KIAA1217: variants seen among roughly 807,000 people sequenced by gnomAD.
The protein encoded by KIAA1217 is KIAA1217.
KIAA1217 carries 88 observed loss-of-function variants against 163.9 expected under a neutral mutation model. The observed-to-expected ratio is 0.54, with a 90% CI of 0.45 to 0.64. The LOEUF is 0.64. Ranked by LOEUF, KIAA1217 falls within the 30% of genes least tolerant of loss-of-function variation. The pLI is 0.00. For synonymous variants in KIAA1217, 903 were observed against 923.1 expected, an observed-to-expected ratio of 0.98 and a Z score of 0.39; for missense variants, 2,372 against 2,475.0, an observed-to-expected ratio of 0.96 and a Z score of 0.88.
chr10:24,446,974 C>T (rs769949583), intron 5 of KIAA1217, among the ~76,000 whole-genome samples: 2 of 152,096 alleles, frequency 1.3e-5, no homozygotes, highest in Admixed American at 6.6e-5. Context: ...ATCAGTGTGT[C>T]GATGAGTCAT....
intron 2 of KIAA1217, among the ~76,000 whole-genome samples, chr10:24,316,508 G>A (rs138270586): frequency 0.012 from 1,872 of 152,182 alleles, 23 homozygotes; most frequent in Middle Eastern, 0.024. Flanking sequence ...ATTTTGCATC[G>A]TAGAGTGGAC....
rs1432927458 is a variant in KIAA1217, at chr10:23,819,984, T to A, written c.-321+124750T>A. 2.0e-5 allele frequency among the ~76,000 whole-genome samples: 3 copies of A among 152,212 alleles called. No individual in the cohort carries two copies. The East Asian group carries it at 5.8e-4, about 29-fold the overall frequency. Reference sequence around the variant, plus strand: ...ATGTATGATAGTGCCTATTTCTTTTTAAAACCACTAAAACTGATTCTGGGC... The same window carrying A: ...ATGTATGATAGTGCCTATTTCTTTTAAAAACCACTAAAACTGATTCTGGGC... On this transcript the variant is annotated intron_variant, in intron 1 of 18. Transcript: ENST00000376462.
Position 23,823,044 on chromosome 10 carries a change from A to C in KIAA1217, c.-321+127810A>C, listed in dbSNP as rs12268571. Reference sequence around the variant, plus strand: ...TTCATTTTTTATTGCTACAGTAACAAATTGCCTGTGAGATAATAAATAAAT... The same window carrying C: ...TTCATTTTTTATTGCTACAGTAACACATTGCCTGTGAGATAATAAATAAAT... On this transcript the variant is annotated intron_variant, in intron 1 of 18. Coordinates refer to the KIAA1217 transcript ENST00000376462. Among the ~76,000 whole-genome samples the C allele has an allele frequency of 7.0e-3, 1,073 of 152,304 alleles. 18 individuals are homozygous for C. Among genetic ancestry groups the C allele is most frequent in the African/African-American group, 0.025 (1,029 of 41,552 alleles).
At chr10:24,015,037 A>T (rs1847411782) in intron 2 of KIAA1217, among the ~76,000 whole-genome samples, 1 of 152,154 alleles carries the variant, frequency 6.6e-6, no homozygotes, top group Non-Finnish European at 1.5e-5. Flanking sequence ...GCATGTAGTT[A>T]TCAAAATTGT....
At chr10:24,043,585 G>A (rs1848774784) in intron 2 of KIAA1217, among the ~76,000 whole-genome samples, 2 of 152,066 alleles carry the variant, frequency 1.3e-5, no homozygotes, top group Admixed American at 1.3e-4. Context: ...CACATGCAAT[G>A]AACACTAGAA....
chr10:24,309,962 G>T (rs1033233538), intron 2 of KIAA1217, among the ~76,000 whole-genome samples: 15 of 152,090 alleles, frequency 9.9e-5, no homozygotes, highest in Non-Finnish European at 2.2e-4. Context: ...TGAATAACTG[G>T]TCTTTCTTTT....
Position 24,524,721 on chromosome 10 carries a change from A to G in KIAA1217, c.2855A>G (p.Glu952Gly). The G allele has an allele frequency of 1.2e-6, 2 of 1,610,404 alleles. No individual in the cohort carries two copies. The highest frequency in any genetic ancestry group is 1.7e-6 in the Non-Finnish European group (2 of 1,177,232). The change falls in exon 13 of 21, where the codon GAA becomes GGA. Residue 952 changes from glutamate (E) to glycine (G), a missense_variant. Physicochemically the swap from Glu to Gly is moderately conservative, Grantham distance 98. Around this residue, in one of 3 missense-constraint regions of KIAA1217, gnomAD observed 1,431 missense variants for 1,470.3 expected, o/e 0.97. Coordinates refer to ENST00000376454, the MANE Select transcript of KIAA1217 (RefSeq NM_019590.5). ...GCCATGCAGAGCTTGTTCATTGAAGAAATCCACAGTGTGAGTGCCAAGAAC... is the reference window on the plus strand; with the variant it reads ...GCCATGCAGAGCTTGTTCATTGAAGGAATCCACAGTGTGAGTGCCAAGAAC... ...GSAMQSLFIE[E>G]IHSVSAKNRA...
At chr10:23,839,529 T>G (rs1377131868) in intron 1 of KIAA1217, among the ~76,000 whole-genome samples, 1 of 152,196 alleles carries the variant, frequency 6.6e-6, no homozygotes, top group African/African-American at 2.4e-5. Flanking sequence ...TGCAGCAGCC[T>G]GGGTTATTTT....
intron 3 of KIAA1217, among the ~76,000 whole-genome samples, chr10:24,414,487 G>A (rs146381297): frequency 1.3e-5 from 2 of 152,246 alleles, no homozygotes; most frequent in African/African-American, 4.8e-5. Context: ...GATGGGAGGG[G>A]GTACTTATAG....
In KIAA1217 at chr10:23,832,443, T is replaced by G. The variant is rs1334035489; in HGVS notation, c.-321+137209T>G. Among the ~76,000 whole-genome samples, 4 of 152,138 alleles carry G rather than the reference T, an allele frequency of 2.6e-5. No homozygotes were observed. The East Asian group carries it at 7.7e-4, about 29-fold the overall frequency. On this transcript the variant is annotated intron_variant, in intron 1 of 18. Transcript: ENST00000376462. The stretch of plus-strand genomic sequence containing the variant: ...TGTCCTTTCTGGATTTTATGGAGAC[T>G]TCATTGCATAAGGATGTTTGATTAC...
At chr10:24,038,596 C>G (rs1298689522) in intron 2 of KIAA1217, among the ~76,000 whole-genome samples, 2 of 152,112 alleles carry the variant, frequency 1.3e-5, no homozygotes, top group African/African-American at 4.8e-5. Flanking sequence ...TGACCTATCC[C>G]CCTAAGGTGC....
chr10:24,403,484 C>T (rs567631842), intron 3 of KIAA1217, among the ~76,000 whole-genome samples: 79 of 152,306 alleles, frequency 5.2e-4, no homozygotes, highest in African/African-American at 1.8e-3. Flanking sequence ...AGTGATCCTC[C>T]CGCCTCAGCC....
chr10:24,088,981 G>A (rs1214818378), intron 2 of KIAA1217, among the ~76,000 whole-genome samples: 2 of 124,910 alleles, frequency 1.6e-5, no homozygotes, highest in African/African-American at 5.0e-5. Context: ...TTTAATGATT[G>A]CTGTTCTAAC....
intron 2 of KIAA1217, among the ~76,000 whole-genome samples, chr10:24,226,182 T>C (rs1292520519): frequency 6.6e-6 from 1 of 152,138 alleles, no homozygotes; most frequent in Non-Finnish European, 1.5e-5. Flanking sequence ...TTCCAGTTTA[T>C]GGTCTTTTCA....
intron 3 of KIAA1217, among the ~76,000 whole-genome samples, chr10:24,385,406 C>T (rs1274894851): frequency 6.6e-6 from 1 of 152,170 alleles, no homozygotes; most frequent in Non-Finnish European, 1.5e-5. Context: ...CCGTCTTAGA[C>T]ATCACTGGTG....
intron 1 of KIAA1217, among the ~76,000 whole-genome samples, chr10:23,765,474 T>G (rs932014057): frequency 3.3e-5 from 5 of 152,068 alleles, no homozygotes; most frequent in African/African-American, 1.2e-4. Flanking sequence ...CGCCCGGTCT[T>G]TTGTTCTCTT....
intron 3 of KIAA1217, among the ~76,000 whole-genome samples, chr10:24,402,417 T>G (rs565704865): frequency 5.0e-4 from 75 of 150,038 alleles, no homozygotes; most frequent in African/African-American, 1.4e-3. Flanking sequence ...GCTGAGGCAG[T>G]AGAATGGCGT....
At chr10:23,854,046 C>T (rs1165792953) in intron 1 of KIAA1217, among the ~76,000 whole-genome samples, 2 of 151,928 alleles carry the variant, frequency 1.3e-5, no homozygotes, top group Admixed American at 6.6e-5. Flanking sequence ...TATTTCTTGC[C>T]TTCTGCTAGC....
intron 1 of KIAA1217, among the ~76,000 whole-genome samples, chr10:23,752,733 T>A (rs1229843273): frequency 1.3e-5 from 2 of 152,198 alleles, no homozygotes; most frequent in Non-Finnish European, 2.9e-5. Flanking sequence ...AATGTAAGCA[T>A]AAAGGAATGA....
Sources: gnomAD v4.1 joint callset for allele counts (sites outside exome capture counted in the v4.1 genomes callset) on GRCh38, gnomAD v4.1.1 for gene constraint, gnomAD v4.1.1 regional missense constraint, MANE v1.5 for transcripts, NCBI Gene and HGNC (gene_info 2026-07-23, HGNC 2026-07-21) for gene names.